RIMKLB: variants seen among roughly 807,000 people sequenced by gnomAD.
RIMKLB encodes the protein ribosomal modification protein rimK like family member B, also known as beta-citrylglutamate synthase B.
RIMKLB carries 7 observed loss-of-function variants against 32.0 expected under a neutral mutation model. The observed-to-expected ratio is 0.22, with a 90% CI of 0.12 to 0.41. RIMKLB has a LOEUF of 0.41. Among genes scored for constraint, RIMKLB ranks in the 10% least tolerant of loss-of-function variants. The pLI, the probability that RIMKLB is intolerant of heterozygous loss-of-function variation, is 1.00. For synonymous variants in RIMKLB, 172 were observed against 185.1 expected, an observed-to-expected ratio of 0.93 and a Z score of 0.57; for missense variants, 289 against 498.7, an observed-to-expected ratio of 0.58 and a Z score of 4.00.
At position 8,698,194 on chromosome 12, in the gene RIMKLB, C is replaced by T; in HGVS notation, c.-160C>T. 2.8e-6 allele frequency: 1 copy of T among 362,744 alleles called. No individual in the cohort carries two copies. The highest frequency in any genetic ancestry group is 5.6e-6 in the Non-Finnish European group (1 of 178,880). The allele number at this position is 362,744 out of a possible 1,614,324, so 22.5% of individuals were successfully genotyped here. On this transcript the variant is annotated 5_prime_UTR_variant, in exon 1 of 6. Coordinates refer to ENST00000535829, the MANE Select transcript of RIMKLB (RefSeq NM_001297776.2). ...CTCCCGGTATCCCGACCCCCTCCCC[C>T]TCCTCTCCTTCCCCCACTTCCAGCC...
chr12:8,703,467 A>G (rs1437017355), intron 1 of RIMKLB, among the ~76,000 whole-genome samples: 1 of 152,054 alleles, frequency 6.6e-6, no homozygotes, highest in Admixed American at 6.6e-5. Context: ...GGCTGACACC[A>G]TAGGCCTGTG....
At chr12:8,722,557 A>G (rs917513714) in intron 2 of RIMKLB, among the ~76,000 whole-genome samples, 1 of 152,222 alleles carries the variant, frequency 6.6e-6, no homozygotes, top group Admixed American at 6.5e-5. Flanking sequence ...TTCAACTTAC[A>G]GTCACCAGCT....
intron 1 of RIMKLB, among the ~76,000 whole-genome samples, chr12:8,701,167 A>G (rs1943360853): frequency 6.6e-6 from 1 of 152,232 alleles, no homozygotes; most frequent in African/African-American, 2.4e-5. Flanking sequence ...CTGTGCTGAT[A>G]TGTGCAGTTG....
rs1950654709 is a variant in RIMKLB, at chr12:8,775,086, G to T, written c.*1302G>T. 1.0e-6 allele frequency: 1 copy of T among 985,574 alleles called. No homozygotes were observed. Among genetic ancestry groups the T allele is most frequent in the Non-Finnish European group, 1.2e-6 (1 of 829,846 alleles). 61.1% of individuals were successfully genotyped at this position (985,574 alleles called of 1,614,324 possible). On this transcript the variant is annotated 3_prime_UTR_variant, in exon 6 of 6. Coordinates refer to ENST00000535829, the MANE Select transcript of RIMKLB (RefSeq NM_001297776.2). ...AGTAGATGCTTTTTTAGGCCTTTTT[G>T]TGTATATGTACGTTGTTTGTTTTTT...
chr12:8,730,778 C>T (rs1041934042), intron 2 of RIMKLB, among the ~76,000 whole-genome samples: 7 of 152,178 alleles, frequency 4.6e-5, no homozygotes, highest in African/African-American at 1.2e-4. Context: ...CTTGCTCTGT[C>T]GTCCAGGCTG....
At chr12:8,724,880 T>A (rs921526784) in intron 2 of RIMKLB, among the ~76,000 whole-genome samples, 1 of 152,212 alleles carries the variant, frequency 6.6e-6, no homozygotes, top group East Asian at 1.9e-4. Context: ...AAGGCACATC[T>A]GTTACTTGCT....
chr12:8,690,499 TGTTTG>T (rs1408692143), intron 1 of RIMKLB, among the ~76,000 whole-genome samples: 4 of 152,210 alleles, frequency 2.6e-5, no homozygotes, highest in Non-Finnish European at 4.4e-5. Context: ...TTACAAACAG[TGTTTG>T]ACAAAGCAGT....
intron 5 of RIMKLB, among the ~76,000 whole-genome samples, chr12:8,765,437 C>T (rs1489574829): frequency 6.6e-6 from 1 of 152,134 alleles, no homozygotes; most frequent in Non-Finnish European, 1.5e-5. Context: ...ACCAAACTCT[C>T]GGGCTGCAGT....
At chr12:8,691,047 A>T (rs1011045023) in intron 1 of RIMKLB, among the ~76,000 whole-genome samples, 1 of 152,142 alleles carries the variant, frequency 6.6e-6, no homozygotes, top group Non-Finnish European at 1.5e-5. Context: ...TGTTTCAAGT[A>T]TTTCTGTGGT....
intron 4 of RIMKLB, among the ~76,000 whole-genome samples, chr12:8,752,583 TC>T (rs1165823052): frequency 6.6e-6 from 1 of 152,166 alleles, no homozygotes; most frequent in Non-Finnish European, 1.5e-5. Context: ...AGACCTTAGA[TC>T]ACTAACTCCA....
intron 5 of RIMKLB, 42 bp from the exon 6 acceptor site, chr12:8,773,279 G>A (rs2138291422): frequency 7.1e-7 from 1 of 1,417,052 alleles, no homozygotes; most frequent in East Asian, 2.3e-5. Context: ...TATTTCAAAA[G>A]TTTATGATTT....
chr12:8,748,034 G>T lies in RIMKLB; in HGVS notation c.176-1828G>T, dbSNP rs775469851. 4.6e-5 allele frequency among the ~76,000 whole-genome samples: 7 copies of T among 152,268 alleles called. No homozygotes were observed. In the South Asian group the frequency reaches 1.5e-3, roughly 32 times the overall value. ...GCCTCCCAAAGTGCTGGGATTACAG[G>T]TGTGAGCCACCACCCAGCCAATAAC... On this transcript the variant is annotated intron_variant, in intron 2 of 5. Coordinates refer to ENST00000535829, the MANE Select transcript of RIMKLB (RefSeq NM_001297776.2).
intron 2 of RIMKLB, among the ~76,000 whole-genome samples, chr12:8,726,162 T>C (rs1038377640): frequency 6.6e-6 from 1 of 152,202 alleles, no homozygotes; most frequent in African/African-American, 2.4e-5. Flanking sequence ...TTGTACTGTT[T>C]TGCATTCCCA....
At chr12:8,701,731 G>A (rs1033689642) in intron 1 of RIMKLB, among the ~76,000 whole-genome samples, 5 of 151,056 alleles carry the variant, frequency 3.3e-5, no homozygotes, top group African/African-American at 4.9e-5. Context: ...GGGGCCAGGT[G>A]CGGTGGCTCA....
At chr12:8,712,238 T>C (rs1381151380) in intron 1 of RIMKLB, among the ~76,000 whole-genome samples, 1 of 152,006 alleles carries the variant, frequency 6.6e-6, no homozygotes, top group East Asian at 1.9e-4. Context: ...AATAGCGTGA[T>C]CTCGGCTCAC....
chr12:8,761,840 G>T (rs968464029), intron 5 of RIMKLB, among the ~76,000 whole-genome samples: 2 of 152,094 alleles, frequency 1.3e-5, no homozygotes, highest in African/African-American at 4.8e-5. Flanking sequence ...AGTAGGGGTC[G>T]TGCAGTCGAG....
At chr12:8,703,093 C>T (rs2136733776) in intron 1 of RIMKLB, among the ~76,000 whole-genome samples, 1 of 152,238 alleles carries the variant, frequency 6.6e-6, no homozygotes, top group South Asian at 2.1e-4. Context: ...TGAGACCAGC[C>T]TGGCCAACAT....
intron 5 of RIMKLB, among the ~76,000 whole-genome samples, chr12:8,771,566 A>AATAT (rs1484231202): frequency 6.6e-6 from 1 of 152,214 alleles, no homozygotes; most frequent in Admixed American, 6.5e-5. Flanking sequence ...TTATATTGTA[A>AATAT]GAGTCTAGCT....
At chr12:8,706,731 G>A (rs929044914) in intron 1 of RIMKLB, among the ~76,000 whole-genome samples, 2 of 151,870 alleles carry the variant, frequency 1.3e-5, no homozygotes, top group Middle Eastern at 3.4e-3. Flanking sequence ...TGGGATTACC[G>A]GCATGAACCA....
Sources: gnomAD v4.1 joint callset for allele counts (sites outside exome capture counted in the v4.1 genomes callset) on GRCh38, gnomAD v4.1.1 for gene constraint, MANE v1.5 for transcripts, NCBI Gene and HGNC (gene_info 2026-07-23, HGNC 2026-07-21) for gene names.